Variants in ITGA9 observed in about 807,000 individuals in gnomAD.
The protein encoded by ITGA9 is integrin subunit alpha 9.
In ITGA9, 56 loss-of-function variants were observed where a neutral mutation model predicts 127.8. That is an observed-to-expected ratio of 0.44 (90% CI 0.35 to 0.55). ITGA9 has a LOEUF of 0.55. Ranked by LOEUF, ITGA9 falls within the 20% of genes least tolerant of loss-of-function variation. ITGA9 has a pLI of 0.00. For synonymous variants in ITGA9, 508 were observed against 514.5 expected (o/e 0.99, Z 0.17); for missense variants, 1,196 against 1,347.1 (o/e 0.89, Z 1.76).
intron 15 of ITGA9, among the ~76,000 whole-genome samples, chr3:37,562,648 G>A (rs1179326769): frequency 6.6e-6 from 1 of 152,182 alleles, no homozygotes; most frequent in Non-Finnish European, 1.5e-5. Flanking sequence ...TGGAGCGATA[G>A]CTGGCTGGAT....
intron 3 of ITGA9, among the ~76,000 whole-genome samples, chr3:37,480,952 TG>T (rs1281785135): frequency 6.6e-6 from 1 of 152,188 alleles, no homozygotes; most frequent in Non-Finnish European, 1.5e-5. Flanking sequence ...CACTTCCCAT[TG>T]CAGATCTGCT....
intron 22 of ITGA9, 22 bp downstream of exon 22, chr3:37,744,056 C>T: frequency 6.7e-7 from 1 of 1,498,842 alleles, no homozygotes; most frequent in Non-Finnish European, 9.3e-7. Flanking sequence ...TGGAGACCTC[C>T]TCTGTCCGTG....
Position 37,629,554 on chromosome 3 carries a change from C to A in ITGA9, c.1839+218C>A. 1.6e-6 allele frequency: 1 copy of A among 641,616 alleles called. No homozygotes were observed. Among genetic ancestry groups the A allele is most frequent in the South Asian group, 1.8e-5 (1 of 55,760 alleles). The allele number at this position is 641,616 out of a possible 1,614,324, so 39.7% of individuals were successfully genotyped here. ...ACTGTGGGACTTAAACACTTTCAGA[C>A]AATTCTCAGGCTGTTAGAAGTTACA... On this transcript the variant is annotated intron_variant, in intron 16 of 27. Coordinates refer to ENST00000264741, the MANE Select transcript of ITGA9 (RefSeq NM_002207.3). This position sits in a 1 kb window ranked among gnomAD's most constrained non-coding sequence, Gnocchi z 4.5.
chr3:37,492,452 C>T (rs1332949660), intron 4 of ITGA9, among the ~76,000 whole-genome samples: 1 of 152,212 alleles, frequency 6.6e-6, no homozygotes, highest in African/African-American at 2.4e-5. Context: ...CAGCCTGGGC[C>T]AGAAGTGGGG....
At chr3:37,484,019 G>A (rs1197776799) in intron 4 of ITGA9, among the ~76,000 whole-genome samples, 1 of 152,176 alleles carries the variant, frequency 6.6e-6, no homozygotes, top group Non-Finnish European at 1.5e-5. Context: ...CCCTCACAAA[G>A]CAAGAAAGGG....
At position 37,820,891 on chromosome 3, in the gene ITGA9, T is replaced by C. The variant is rs975993081; in HGVS notation, c.*1902T>C. 3 of 152,204 alleles carry C rather than the reference T, an allele frequency of 2.0e-5. No individual in the cohort carries two copies. Among genetic ancestry groups the C allele is most frequent in the African/African-American group, 7.2e-5 (3 of 41,448 alleles). 9.4% of individuals were successfully genotyped at this position (152,204 alleles called of 1,614,324 possible). A position where few individuals can be genotyped will look rare whatever the true frequency, so the allele number is the denominator to read the frequency against. The stretch of plus-strand genomic sequence containing the variant: ...CTAACACGTTGGGAGTCCGTGAACA[T>C]TGTCAAAAAGACATCAAACTCAACT... On this transcript the variant is annotated 3_prime_UTR_variant, in exon 28 of 28. Coordinates refer to ENST00000264741, the MANE Select transcript of ITGA9 (RefSeq NM_002207.3).
At chr3:37,718,259 G>T (rs999032801) in intron 18 of ITGA9, among the ~76,000 whole-genome samples, 1 of 152,182 alleles carries the variant, frequency 6.6e-6, no homozygotes, top group Non-Finnish European at 1.5e-5. Flanking sequence ...GACAAAATAA[G>T]AAACACTTGT....
At chr3:37,721,606 T>C (rs143132920) in intron 18 of ITGA9, among the ~76,000 whole-genome samples, 134 of 152,332 alleles carry the variant, frequency 8.8e-4, no homozygotes, top group African/African-American at 3.1e-3. Flanking sequence ...AGGAAGCAAC[T>C]GGCTTTGTAG....
At chr3:37,734,646 T>C (rs929708801) in intron 19 of ITGA9, among the ~76,000 whole-genome samples, 1 of 152,174 alleles carries the variant, frequency 6.6e-6, no homozygotes, top group Non-Finnish European at 1.5e-5. Context: ...CCCACCACCA[T>C]GCCCAGCTAA....
At chr3:37,582,931 T>G (rs982033665) in intron 15 of ITGA9, among the ~76,000 whole-genome samples, 2 of 152,230 alleles carry the variant, frequency 1.3e-5, no homozygotes, top group Admixed American at 1.3e-4. Context: ...TCAAACCTCC[T>G]GCCCTTTAAT....
chr3:37,470,428 G>A (rs932588069), intron 1 of ITGA9, among the ~76,000 whole-genome samples: 7 of 152,062 alleles, frequency 4.6e-5, no homozygotes, highest in Admixed American at 2.6e-4. Flanking sequence ...ATGAAGTTGA[G>A]TTTCTCTGAT....
intron 5 of ITGA9, among the ~76,000 whole-genome samples, chr3:37,499,090 G>A (rs949211783): frequency 1.3e-5 from 2 of 152,244 alleles, no homozygotes; most frequent in South Asian, 4.1e-4. Context: ...CAAAGCCTTC[G>A]GAGCTATGGA....
chr3:37,616,166 C>A (rs1418078371), intron 15 of ITGA9, among the ~76,000 whole-genome samples: 2 of 152,190 alleles, frequency 1.3e-5, no homozygotes, highest in African/African-American at 4.8e-5. Flanking sequence ...TATGTTGTGT[C>A]TTTGTTCTCA....
chr3:37,511,604 C>T (rs951313968), intron 8 of ITGA9, among the ~76,000 whole-genome samples: 1 of 152,186 alleles, frequency 6.6e-6, no homozygotes, highest in Non-Finnish European at 1.5e-5. Flanking sequence ...TACCAAAGCT[C>T]AGATGGGGAG....
chr3:37,579,033 A>G (rs542529906), intron 15 of ITGA9, among the ~76,000 whole-genome samples: 4 of 152,202 alleles, frequency 2.6e-5, no homozygotes, highest in South Asian at 2.1e-4. Flanking sequence ...ATGATTTAGT[A>G]TATCATCCTT....
chr3:37,615,681 T>C (rs1243146796), intron 15 of ITGA9, among the ~76,000 whole-genome samples: 1 of 152,222 alleles, frequency 6.6e-6, no homozygotes, highest in Non-Finnish European at 1.5e-5. Context: ...AACTTCTTCC[T>C]GGTTTAGTCT....
chr3:37,681,704 G>A (rs113792622), intron 17 of ITGA9, among the ~76,000 whole-genome samples: 59 of 152,160 alleles, frequency 3.9e-4, no homozygotes, highest in African/African-American at 1.3e-3. Flanking sequence ...TTCAAAGGTC[G>A]CATCACACAA....
intron 16 of ITGA9, among the ~76,000 whole-genome samples, chr3:37,639,434 G>T (rs1014703582): frequency 6.6e-6 from 1 of 152,190 alleles, no homozygotes; most frequent in African/African-American, 2.4e-5. Context: ...AGGAGAATTG[G>T]CCAGAGCCTT....
chr3:37,518,359 T>C lies in ITGA9; in HGVS notation c.1141+750T>C, dbSNP rs80080566. 2.1e-3 allele frequency among the ~76,000 whole-genome samples: 320 copies of C among 152,306 alleles called. 3 individuals carry two copies. In the East Asian group the frequency reaches 0.045, roughly 22 times the overall value. The stretch of plus-strand genomic sequence containing the variant: ...GTCTTTGATACCTCCTACCACTGGC[T>C]ACAGTGGGCTTCATTTTCCTCCCCC... On this transcript the variant is annotated intron_variant, in intron 10 of 27. Coordinates refer to ENST00000264741, the MANE Select transcript of ITGA9 (RefSeq NM_002207.3).
Sources: gnomAD v4.1 joint callset for allele counts (sites outside exome capture counted in the v4.1 genomes callset) on GRCh38, gnomAD v4.1.1 for gene constraint, Gnocchi (gnomAD v3.1) non-coding constraint, MANE v1.5 for transcripts, NCBI Gene and HGNC (gene_info 2026-07-23, HGNC 2026-07-21) for gene names.